TRAF2: variants seen among roughly 807,000 people sequenced by gnomAD.
TRAF2 encodes TNF receptor-associated factor 2.
In TRAF2, 6 loss-of-function variants were observed where a neutral mutation model predicts 55.6. The ratio of observed to expected loss-of-function variants is 0.11; its 90% CI spans 0.06 to 0.21. TRAF2 has a LOEUF of 0.21. Ranked by LOEUF, TRAF2 falls within the 10% of genes least tolerant of loss-of-function variation. TRAF2 has a pLI of 1.00. For missense variants in TRAF2, 561 were observed against 684.5 expected (o/e 0.82, Z 2.01); for synonymous variants, 329 against 276.3 (o/e 1.19, Z -1.89).
intron 4 of TRAF2, among the ~76,000 whole-genome samples, chr9:136,904,780 G>GAATAGTTACTTCATAAAAGCCAT (rs1554780100): frequency 1.3e-5 from 2 of 151,762 alleles, no homozygotes; most frequent in African/African-American, 4.8e-5. Flanking sequence ...TCATAAGCCA[G>GAATAGTTACTTCATAAAAGCCAT]AATAGTTGCT....
At chr9:136,899,993 C>G (rs1472790313) in intron 3 of TRAF2, among the ~76,000 whole-genome samples, 1 of 152,122 alleles carries the variant, frequency 6.6e-6, no homozygotes, top group East Asian at 1.9e-4. Context: ...TGGTGAAACC[C>G]CATCTCTACC....
In TRAF2 at chr9:136,925,921, G is replaced by A. The variant is rs370864551; in HGVS notation, c.*20G>A. 635 of 1,613,008 alleles carry A rather than the reference G, an allele frequency of 3.9e-4. No individual in the cohort carries two copies. The highest frequency in any genetic ancestry group is 3.9e-4 in the Non-Finnish European group (457 of 1,179,534). ...CTCTAACTGCCCCCTACTGGTGTCT[G>A]GGGGTTGGGGGCAGCCAGGCACAGC... On this transcript the variant is annotated 3_prime_UTR_variant, in exon 11 of 11. Coordinates refer to ENST00000247668, the MANE Select transcript of TRAF2 (RefSeq NM_021138.4).
chr9:136,918,248 TATATATATATTTATTTAATTAA>T (rs1564419436), intron 7 of TRAF2, among the ~76,000 whole-genome samples: 4 of 46,864 alleles, frequency 8.5e-5, no homozygotes, highest in African/African-American at 6.5e-4. Context: ...TATATATATA[TATATATATATTTATTTAATTAA>T]TTAATTTATT....
At chr9:136,908,355 C>T in intron 5 of TRAF2, 124 bp downstream of exon 5, 3 of 1,091,570 alleles carry the variant, frequency 2.7e-6, no homozygotes, top group South Asian at 1.7e-5. Flanking sequence ...CGGCCCTTTC[C>T]CTGGAGACAC....
At chr9:136,899,263 C>T (rs1030806981) in intron 2 of TRAF2, among the ~76,000 whole-genome samples, 3 of 152,326 alleles carry the variant, frequency 2.0e-5, no homozygotes, top group Admixed American at 1.3e-4. Context: ...AAGACAGCCG[C>T]CTTCCTTGCA....
rs1850376990 is a variant in TRAF2, at chr9:136,921,219, T to C, written c.1138+4T>C. On this transcript the variant is annotated splice_donor_region_variant and intron_variant, in intron 9 of 10. Coordinates refer to ENST00000247668, the MANE Select transcript of TRAF2 (RefSeq NM_021138.4). ...ATACCCGCCATCTTCTCCCCAGGTG[T>C]GGTTCTAGGACCCCCACCTCACTGC... 6.2e-7 allele frequency: 1 copy of C among 1,613,564 alleles called. No individual in the cohort carries two copies. Among genetic ancestry groups the C allele is most frequent in the Non-Finnish European group, 8.5e-7 (1 of 1,179,964 alleles).
At chr9:136,925,404 C>T (rs1183945941) in intron 10 of TRAF2, among the ~76,000 whole-genome samples, 1 of 152,234 alleles carries the variant, frequency 6.6e-6, no homozygotes, top group African/African-American at 2.4e-5. Flanking sequence ...GAGTGGTAAG[C>T]TTTAGTCTAG....
intron 4 of TRAF2, among the ~76,000 whole-genome samples, chr9:136,901,230 C>T (rs1849813226): frequency 6.6e-6 from 1 of 152,182 alleles, no homozygotes; most frequent in Admixed American, 6.5e-5. Context: ...CTCGTCGAGG[C>T]CACTACAGCT....
intron 10 of TRAF2, among the ~76,000 whole-genome samples, 175 bp from the exon 11 acceptor site, chr9:136,925,508 C>T (rs532408777): frequency 3.3e-5 from 5 of 152,262 alleles, no homozygotes; most frequent in African/African-American, 4.8e-5. Context: ...CTGGGGAGCC[C>T]GGGCGCTGTG....
At chr9:136,901,276 G>T (rs749682684) in intron 4 of TRAF2, among the ~76,000 whole-genome samples, 1 of 152,216 alleles carries the variant, frequency 6.6e-6, no homozygotes, top group Non-Finnish European at 1.5e-5. Context: ...TGTAATGAAT[G>T]CCCTTTAAGA....
In TRAF2 at chr9:136,908,085, C is replaced by T. The variant is rs373483375; in HGVS notation, c.382C>T (p.Arg128Cys). The change falls in exon 5 of 11, where the codon CGC (arginine) becomes TGC (cysteine). Residue 128 changes from arginine (R) to cysteine (C), a missense_variant. This residue lies in a region of TRAF2 where 426 missense variants were observed against 476.8 expected (regional missense o/e 0.89). Transcript: ENST00000247668. ...LKEYESCHEG[R>C]CPLMLTECPA... ...TCGTTGCTAGAGCTGCCACGAAGGC[C>T]GCTGCCCGCTCATGCTGACCGAATG... 3.2e-5 allele frequency: 52 copies of T among 1,603,568 alleles called. No homozygotes were observed. The highest frequency in any genetic ancestry group is 3.8e-5 in the Non-Finnish European group (45 of 1,179,064).
intron 4 of TRAF2, among the ~76,000 whole-genome samples, chr9:136,902,996 T>G (rs1006026705): frequency 1.4e-4 from 21 of 152,198 alleles, no homozygotes; most frequent in Admixed American, 1.2e-3. Flanking sequence ...TGAGACGGTC[T>G]TGCTCTGTTG....
chr9:136,901,443 G>A (rs1196467258), intron 4 of TRAF2, among the ~76,000 whole-genome samples: 2 of 152,208 alleles, frequency 1.3e-5, no homozygotes, highest in East Asian at 1.9e-4. Context: ...AAAGGAAGGC[G>A]ATTCGGACAC....
rs1403509007 is a variant in TRAF2 at position 136,900,405 on chromosome 9, G to A, written c.268-17G>A. On this transcript the variant is annotated splice_polypyrimidine_tract_variant and intron_variant, in intron 3 of 10. Coordinates refer to ENST00000247668, the MANE Select transcript of TRAF2 (RefSeq NM_021138.4). ...GTCTGGGAGGAGGTTTAACCCGAGGGATATTCCTCTCCCCAGGCCTTCCCA... is the reference window on the plus strand; with the variant it reads ...GTCTGGGAGGAGGTTTAACCCGAGGAATATTCCTCTCCCCAGGCCTTCCCA... 7.7e-6 allele frequency: 12 copies of A among 1,567,548 alleles called. No homozygotes were observed. Among genetic ancestry groups the A allele is most frequent in the African/African-American group, 1.4e-5 (1 of 74,058 alleles).
At chr9:136,889,352 C>T (rs768144769) in intron 1 of TRAF2, among the ~76,000 whole-genome samples, 1 of 151,146 alleles carries the variant, frequency 6.6e-6, no homozygotes, top group Admixed American at 6.6e-5. Context: ...GGTGCGATCT[C>T]GGCTCGCTGC....
intron 1 of TRAF2, among the ~76,000 whole-genome samples, chr9:136,898,116 G>A (rs1452097456): frequency 6.6e-6 from 1 of 151,636 alleles, no homozygotes; most frequent in Admixed American, 6.6e-5. Flanking sequence ...GGGGCTGGAG[G>A]GGAACCCGTG....
upstream of TRAF2, chr9:136,886,439 A>G (rs1034097723): frequency 1.0e-6 from 1 of 1,003,300 alleles, no homozygotes; most frequent in Non-Finnish European, 1.2e-6. Context: ...GTTGGCTCCC[A>G]TGTCCGTCCG....
intron 6 of TRAF2, among the ~76,000 whole-genome samples, chr9:136,911,264 C>CTTTTTTTTTTTTTTTTTTTTTTTTTTT (rs34077067): frequency 8.2e-6 from 1 of 122,566 alleles, no homozygotes; most frequent in African/African-American, 3.2e-5. Context: ...TCCTTCCCGT[C>CTTTTTTTTTTTTTTTTTTTTTTTTTTT]TTTTTTTTTT....
chr9:136,884,733 C>G (rs1849414831), upstream of TRAF2, among the ~76,000 whole-genome samples: 1 of 152,126 alleles, frequency 6.6e-6, no homozygotes, highest in Non-Finnish European at 1.5e-5. Flanking sequence ...AATTTTTTTT[C>G]CTTTTTTTGG....
Sources: allele counts gnomAD v4.1 joint callset (sites outside exome capture counted in the v4.1 genomes callset), GRCh38; gene constraint gnomAD v4.1.1; regional missense constraint gnomAD v4.1.1; transcripts MANE v1.5; gene names NCBI Gene and HGNC (gene_info 2026-07-23, HGNC 2026-07-21).